The following TANGO6 variants were observed in gnomAD, a reference collection of about 807,000 sequenced individuals.
TANGO6 encodes the protein transport and Golgi organization protein 6 homolog.
TANGO6 carries 90 observed loss-of-function variants against 114.2 expected under a neutral mutation model. That is an observed-to-expected ratio of 0.79 (90% confidence interval 0.66 to 0.94). TANGO6 has a LOEUF of 0.94. TANGO6 is among the 40% of genes least tolerant of loss of function. The probability of loss-of-function intolerance (pLI) is 0.00; values close to 1 mark genes in which losing one functional copy is unlikely to be tolerated. For missense variants in TANGO6, 1,274 were observed against 1,315.3 expected (o/e 0.97, Z 0.49); for synonymous variants, 477 against 509.8 (o/e 0.94, Z 0.87).
rs936226133 is a variant in TANGO6 at position 69,024,061 on chromosome 16, C to G, written c.2994+1082C>G. Among the ~76,000 whole-genome samples, 4 of 151,904 alleles carry G rather than the reference C, an allele frequency of 2.6e-5. No homozygotes were observed. In the South Asian group the frequency reaches 6.2e-4, roughly 24 times the overall value. ...TAGCTGGGACCATGTGTCACCACAC[C>G]TGGCCAATTTTTGTATTTTTAGTAT... On this transcript the variant is annotated intron_variant, in intron 16 of 17. Coordinates refer to ENST00000261778, the MANE Select transcript of TANGO6 (RefSeq NM_024562.2).
chr16:69,083,609 A>G lies in TANGO6; in HGVS notation c.3233A>G (p.Asn1078Ser). 1 of 1,584,916 alleles carries G rather than the reference A, an allele frequency of 6.3e-7. No individual in the cohort carries two copies. The highest frequency in any genetic ancestry group is 1.3e-5 in the African/African-American group (1 of 74,350). ...GAAGAGCTGGATGACATCATGAAAA[A>G]CTTCCTGTTCCCTCCACAGAAGCTG... Reference protein sequence around the residue: ...ALEELDDIMKNFLFPPQKLEK... With the variant: ...ALEELDDIMKSFLFPPQKLEK... The change falls in exon 18 of 18, where the codon AAC becomes AGC. Residue 1078 changes from asparagine (N) to serine (S), a missense_variant. Transcript: ENST00000261778.
At chr16:68,845,397 G>A (rs1044904143) in intron 1 of TANGO6, among the ~76,000 whole-genome samples, 3 of 152,062 alleles carry the variant, frequency 2.0e-5, no homozygotes, top group African/African-American at 7.2e-5. Flanking sequence ...AGTATGTGGT[G>A]GAGTACACAT....
At chr16:68,864,454 A>G (rs1405264148) in intron 3 of TANGO6, among the ~76,000 whole-genome samples, 1 of 151,864 alleles carries the variant, frequency 6.6e-6, no homozygotes, top group African/African-American at 2.4e-5. Flanking sequence ...GGTAGCATGC[A>G]CCTGTAGTTC....
chr16:68,971,249 T>C (rs1963701956), intron 14 of TANGO6, among the ~76,000 whole-genome samples: 1 of 152,144 alleles, frequency 6.6e-6, no homozygotes, highest in African/African-American at 2.4e-5. Flanking sequence ...GAATTGCAGT[T>C]GTGGAGGTCT....
chr16:68,911,503 A>G (rs1411219329), intron 11 of TANGO6, among the ~76,000 whole-genome samples: 4 of 140,226 alleles, frequency 2.9e-5, no homozygotes, highest in Non-Finnish European at 4.5e-5. Context: ...TGCAACCTCC[A>G]CCTCCCGGGT....
At chr16:68,924,831 G>T (rs1224728092) in intron 12 of TANGO6, among the ~76,000 whole-genome samples, 1 of 151,794 alleles carries the variant, frequency 6.6e-6, no homozygotes, top group African/African-American at 2.4e-5. Flanking sequence ...CATAGCTGCT[G>T]CCACCCAGTG....
chr16:68,864,245 T>A (rs1008191795), intron 3 of TANGO6, among the ~76,000 whole-genome samples: 2 of 151,908 alleles, frequency 1.3e-5, no homozygotes, highest in Admixed American at 1.3e-4. Context: ...TTGCTTTTAG[T>A]ACCTACATTT....
At chr16:68,973,877 G>A (rs1963734712) in intron 14 of TANGO6, 151 bp from the exon 15 acceptor site, 2 of 840,650 alleles carry the variant, frequency 2.4e-6, no homozygotes. Context: ...CACTCACTAT[G>A]CTGACTCTCC....
At chr16:68,981,365 G>A (rs927749571) in intron 15 of TANGO6, among the ~76,000 whole-genome samples, 19 of 151,482 alleles carry the variant, frequency 1.3e-4, no homozygotes, top group Admixed American at 2.6e-4. Context: ...CATGCACCAC[G>A]ACACCTGGCT....
rs752680902 is a variant in TANGO6, at chr16:68,862,999, G to C, written c.790G>C (p.Asp264His). The change falls in exon 3 of 18, where the codon GAT becomes CAT. Residue 264 changes from aspartate (D) to histidine (H), a missense_variant. Physicochemically the swap from Asp to His is moderately conservative, Grantham distance 81. This residue lies in a region of TANGO6 where 908 missense variants were observed against 910.2 expected (regional missense o/e 1.00). Transcript: ENST00000261778. The part of the protein sequence containing the change: ...LSRGALRDML[D>H]QVYQPLAVRE... ...CAGGGGGGCCTTGAGAGACATGCTG[G>C]ATCAAGTCTATCAGCCCTTAGCAGT... 1 of 1,601,316 alleles carries C rather than the reference G, an allele frequency of 6.2e-7. No homozygotes were observed. The highest frequency in any genetic ancestry group is 8.5e-7 in the Non-Finnish European group (1 of 1,174,156).
At chr16:69,072,953 T>C (rs2152243542) in intron 17 of TANGO6, among the ~76,000 whole-genome samples, 1 of 149,224 alleles carries the variant, frequency 6.7e-6, no homozygotes, top group African/African-American at 2.5e-5. Flanking sequence ...AAGTGAAAGA[T>C]TCCTCTAAAA....
chr16:68,944,519 C>A (rs1963393130), intron 14 of TANGO6, among the ~76,000 whole-genome samples: 1 of 152,010 alleles, frequency 6.6e-6, no homozygotes, highest in Non-Finnish European at 1.5e-5. Flanking sequence ...CAGAGAGAGA[C>A]CCCCCTCCAA....
In TANGO6 at chr16:68,905,640, T is replaced by C. The variant is rs554769326; in HGVS notation, c.1668-1803T>C. 2.7e-4 allele frequency among the ~76,000 whole-genome samples: 41 copies of C among 152,074 alleles called. No individual in the cohort carries two copies. In the South Asian group the frequency reaches 8.1e-3, roughly 30 times the overall value. On this transcript the variant is annotated intron_variant, in intron 9 of 17. Transcript: ENST00000261778. ...CAGAATAATTAAAAACTAAAAGCCATAGTACCTCATGGGAAAGTACAAAAA... is the reference window on the plus strand; with the variant it reads ...CAGAATAATTAAAAACTAAAAGCCACAGTACCTCATGGGAAAGTACAAAAA...
chr16:68,891,350 C>T (rs113261007), intron 7 of TANGO6, among the ~76,000 whole-genome samples: 15,255 of 149,414 alleles, frequency 0.1, 869 homozygotes, highest in African/African-American at 0.16. Context: ...ATCCCAGCTA[C>T]TCGGGTGGAT....
intron 4 of TANGO6, among the ~76,000 whole-genome samples, chr16:68,873,347 CTT>C (rs1182182590): frequency 3.3e-5 from 5 of 151,958 alleles, no homozygotes; most frequent in Non-Finnish European, 7.4e-5. Flanking sequence ...GAGTTTTGCT[CTT>C]GTCACCCAGG....
chr16:69,052,050 C>CA (rs1015547699), intron 17 of TANGO6, among the ~76,000 whole-genome samples: 24 of 150,114 alleles, frequency 1.6e-4, no homozygotes, highest in African/African-American at 5.9e-4. Flanking sequence ...TGGGCTCAGA[C>CA]AATCCTCCCA....
chr16:68,865,050 G>T (rs1962155046), intron 3 of TANGO6, among the ~76,000 whole-genome samples: 1 of 151,468 alleles, frequency 6.6e-6, no homozygotes, highest in Admixed American at 6.6e-5. Context: ...GGCCGAGGCG[G>T]GTGGATCACG....
At chr16:68,844,569 G>C (rs1961774185) in intron 1 of TANGO6, among the ~76,000 whole-genome samples, 1 of 152,120 alleles carries the variant, frequency 6.6e-6, no homozygotes, top group South Asian at 2.1e-4. Flanking sequence ...GGCCAAAGGG[G>C]ATCACCTCCC....
intron 14 of TANGO6, among the ~76,000 whole-genome samples, chr16:68,933,482 C>T (rs1363510346): frequency 6.6e-6 from 1 of 152,194 alleles, no homozygotes; most frequent in Admixed American, 6.5e-5. Context: ...TTTATTATCA[C>T]TCACGCATCT....
Sources: allele counts gnomAD v4.1 joint callset (sites outside exome capture counted in the v4.1 genomes callset), GRCh38; gene constraint gnomAD v4.1.1; regional missense constraint gnomAD v4.1.1; transcripts MANE v1.5; gene names NCBI Gene and HGNC (gene_info 2026-07-23, HGNC 2026-07-21).